Variants in OXCT1 observed in about 807,000 individuals in gnomAD.
OXCT1 encodes succinyl-CoA:3-ketoacid coenzyme A transferase 1, mitochondrial.
OXCT1 carries 27 observed loss-of-function variants against 69.6 expected under a neutral mutation model. The ratio of observed to expected loss-of-function variants is 0.39; its 90% CI spans 0.29 to 0.54. The LOEUF (loss-of-function observed/expected upper bound fraction) is 0.54, where lower values mean the gene tolerates loss of function less well. Among genes scored for constraint, OXCT1 ranks in the 20% least tolerant of loss-of-function variants. The pLI, the probability that OXCT1 is intolerant of heterozygous loss-of-function variation, is 0.72. For synonymous variants in OXCT1, 202 were observed against 217.8 expected, an observed-to-expected ratio of 0.93 and a Z score of 0.64; for missense variants, 437 against 650.2, an observed-to-expected ratio of 0.67 and a Z score of 3.57.
At chr5:41,812,071 C>T (rs1008046766) in intron 7 of OXCT1, among the ~76,000 whole-genome samples, 2 of 152,010 alleles carry the variant, frequency 1.3e-5, no homozygotes, top group Non-Finnish European at 2.9e-5. Flanking sequence ...TCTGTATTGC[C>T]TTCTGGTCAT....
intron 15 of OXCT1, among the ~76,000 whole-genome samples, chr5:41,743,883 C>T (rs1222705270): frequency 6.6e-6 from 1 of 152,076 alleles, no homozygotes; most frequent in Non-Finnish European, 1.5e-5. Flanking sequence ...GTTACTGTAG[C>T]CTTGTAGTAT....
At chr5:41,746,840 G>C (rs1180586009) in intron 15 of OXCT1, among the ~76,000 whole-genome samples, 2 of 151,994 alleles carry the variant, frequency 1.3e-5, no homozygotes, top group Non-Finnish European at 1.5e-5. Flanking sequence ...GGATACACAG[G>C]TCAACTATTC....
intron 13 of OXCT1, among the ~76,000 whole-genome samples, chr5:41,788,475 T>G (rs1745758708): frequency 6.6e-6 from 1 of 152,108 alleles, no homozygotes; most frequent in Non-Finnish European, 1.5e-5. Flanking sequence ...AATAAAGGTG[T>G]TCATAGGTTA....
chr5:41,751,951 A>G (rs1179742441), intron 14 of OXCT1, among the ~76,000 whole-genome samples: 4 of 152,112 alleles, frequency 2.6e-5, no homozygotes, highest in Non-Finnish European at 2.9e-5. Context: ...AAATGTCACA[A>G]TTTCAATATT....
intron 15 of OXCT1, among the ~76,000 whole-genome samples, chr5:41,739,970 C>T (rs1250918925): frequency 6.6e-6 from 1 of 151,804 alleles, no homozygotes; most frequent in Non-Finnish European, 1.5e-5. Flanking sequence ...AGGATAAATG[C>T]CAACTCCCTA....
intron 7 of OXCT1, among the ~76,000 whole-genome samples, chr5:41,808,620 G>A (rs1445206513): frequency 2.6e-5 from 4 of 151,984 alleles, no homozygotes; most frequent in African/African-American, 7.2e-5. Flanking sequence ...AAAATATGTC[G>A]GCATCCAAGT....
At chr5:41,738,576 A>G (rs1356661832) in intron 16 of OXCT1, among the ~76,000 whole-genome samples, 1 of 152,178 alleles carries the variant, frequency 6.6e-6, no homozygotes, top group Non-Finnish European at 1.5e-5. Flanking sequence ...CTTTTTCTCT[A>G]TAAACTACCC....
rs1445292309 is a variant in OXCT1 at position 41,819,982 on chromosome 5, G to A, written c.733-12544C>T. On this transcript the variant is annotated intron_variant, in intron 7 of 16. Coordinates refer to ENST00000196371, the MANE Select transcript of OXCT1 (RefSeq NM_000436.4). ...GTCAAGCAGCCAGGAGGATTCTCCA[G>A]GAAGCTGGGTTCTAATCTAGAGTGC... 1.3e-5 allele frequency among the ~76,000 whole-genome samples: 2 copies of A among 152,020 alleles called. 1 individual carries two copies. Among genetic ancestry groups the A allele is most frequent in the Admixed American group, 1.3e-4 (2 of 15,254 alleles).
At chr5:41,817,337 G>T (rs955020846) in intron 7 of OXCT1, among the ~76,000 whole-genome samples, 8 of 152,104 alleles carry the variant, frequency 5.3e-5, no homozygotes, top group African/African-American at 1.9e-4. Flanking sequence ...GTTCTTACAT[G>T]AATCACCTAA....
chr5:41,746,594 C>T (rs998950801), intron 15 of OXCT1, among the ~76,000 whole-genome samples: 2 of 152,054 alleles, frequency 1.3e-5, no homozygotes, highest in Non-Finnish European at 2.9e-5. Context: ...TCTCTTTACT[C>T]ATTCTTGCTA....
intron 14 of OXCT1, among the ~76,000 whole-genome samples, chr5:41,755,964 TTA>T (rs1744047910): frequency 6.6e-6 from 1 of 152,066 alleles, no homozygotes. Context: ...TCGCTACAGT[TTA>T]TATGACAAAG....
At chr5:41,851,550 C>T (rs1458423829) in intron 4 of OXCT1, among the ~76,000 whole-genome samples, 2 of 152,074 alleles carry the variant, frequency 1.3e-5, no homozygotes, top group Non-Finnish European at 2.9e-5. Context: ...CTGTAGGTGC[C>T]ACCAGCTCCT....
chr5:41,868,064 G>A (rs1182938846), intron 1 of OXCT1, among the ~76,000 whole-genome samples: 1 of 152,144 alleles, frequency 6.6e-6, no homozygotes, highest in African/African-American at 2.4e-5. Flanking sequence ...AAATTCTGGG[G>A]GTGGGTACAG....
At chr5:41,783,583 A>G (rs1465798572) in intron 13 of OXCT1, among the ~76,000 whole-genome samples, 2 of 152,244 alleles carry the variant, frequency 1.3e-5, no homozygotes, top group African/African-American at 4.8e-5. Flanking sequence ...TTTATAACAA[A>G]TATCAAACTC....
intron 3 of OXCT1, among the ~76,000 whole-genome samples, chr5:41,857,323 C>T (rs1332887881): frequency 6.6e-6 from 1 of 152,198 alleles, no homozygotes; most frequent in East Asian, 1.9e-4. Context: ...TCCGGAGTGG[C>T]CTGCAAGGTC....
chr5:41,800,427 G>C (rs994143834), intron 11 of OXCT1, among the ~76,000 whole-genome samples: 1 of 151,780 alleles, frequency 6.6e-6, no homozygotes, highest in Admixed American at 6.6e-5. Flanking sequence ...TCTATCCTGA[G>C]AAGGCTGACC....
intron 14 of OXCT1, among the ~76,000 whole-genome samples, chr5:41,756,008 T>C (rs1000535957): frequency 3.9e-5 from 6 of 152,066 alleles, no homozygotes; most frequent in African/African-American, 1.4e-4. Flanking sequence ...TGAGTGAAGC[T>C]ATATGAGTAT....
chr5:41,796,991 T>C (rs1746212512), intron 11 of OXCT1, among the ~76,000 whole-genome samples: 2 of 152,184 alleles, frequency 1.3e-5, no homozygotes, highest in Non-Finnish European at 2.9e-5. Context: ...AGCTCTAGGT[T>C]TTAAGACAGG....
chr5:41,738,376 G>T (rs1742994523), intron 16 of OXCT1, among the ~76,000 whole-genome samples: 1 of 152,122 alleles, frequency 6.6e-6, no homozygotes. Flanking sequence ...ACTGAATCAT[G>T]GGGGTGGGTT....
Sources: allele counts gnomAD v4.1 joint callset (sites outside exome capture counted in the v4.1 genomes callset), GRCh38; gene constraint gnomAD v4.1.1; transcripts MANE v1.5; gene names NCBI Gene and HGNC (gene_info 2026-07-23, HGNC 2026-07-21).